Variants in FANCC observed in about 807,000 individuals in gnomAD.
FANCC encodes Fanconi anemia group C protein.
A neutral mutation model predicts 71.3 loss-of-function variants in FANCC; 55 were observed. The ratio of observed to expected loss-of-function variants is 0.77; its 90% CI spans 0.62 to 0.97. The LOEUF (loss-of-function observed/expected upper bound fraction) is 0.97, where lower values mean the gene tolerates loss of function less well. Among genes scored for constraint, FANCC ranks in the 50% least tolerant of loss-of-function variants. The pLI, the probability that FANCC is intolerant of heterozygous loss-of-function variation, is 0.00. For synonymous variants in FANCC, 275 were observed against 244.9 expected (o/e 1.12, Z -1.15); for missense variants, 678 against 670.9 (o/e 1.01, Z -0.12).
intron 3 of FANCC, 85 bp from the exon 4 acceptor site, chr9:95,240,828 T>C: frequency 1.3e-6 from 1 of 797,032 alleles, no homozygotes; most frequent in Admixed American, 2.0e-5. Flanking sequence ...TTTAGGAAAA[T>C]CTCAAACTAC....
At chr9:95,146,850 G>GA (rs1388795132) in intron 7 of FANCC, among the ~76,000 whole-genome samples, 2 of 151,938 alleles carry the variant, frequency 1.3e-5, no homozygotes, top group South Asian at 2.1e-4. Flanking sequence ...TGCGTTAAAA[G>GA]AAAAAATCAT....
At chr9:95,242,609 A>G (rs531208684) in intron 3 of FANCC, among the ~76,000 whole-genome samples, 169 of 152,160 alleles carry the variant, frequency 1.1e-3, no homozygotes, top group Non-Finnish European at 2.2e-3. Context: ...TTCAAAAGGT[A>G]TATTATTTTT....
chr9:95,176,985 G>T (rs528181387), intron 4 of FANCC, among the ~76,000 whole-genome samples: 2 of 152,336 alleles, frequency 1.3e-5, no homozygotes, highest in South Asian at 2.1e-4. Context: ...CAGAGGGTGA[G>T]ATGAGAGATT....
chr9:95,207,693 A>C (rs1588282260), intron 4 of FANCC, among the ~76,000 whole-genome samples: 1 of 152,222 alleles, frequency 6.6e-6, no homozygotes, highest in East Asian at 1.9e-4. Flanking sequence ...ACAGTGTTAC[A>C]ACCTCTCCAC....
At chr9:95,122,311 G>C (rs943384437) in intron 10 of FANCC, among the ~76,000 whole-genome samples, 1 of 152,132 alleles carries the variant, frequency 6.6e-6, no homozygotes, top group Non-Finnish European at 1.5e-5. Flanking sequence ...AGAGGGTCAC[G>C]CATCTACCAA....
rs1554842592 is a variant in FANCC at position 95,171,089 on chromosome 9, T to C, written c.511A>G (p.Thr171Ala). 6.2e-7 allele frequency: 1 copy of C among 1,612,680 alleles called. No individual in the cohort carries two copies. Among genetic ancestry groups the C allele is most frequent in the Non-Finnish European group, 8.5e-7 (1 of 1,178,828 alleles). The stretch of plus-strand genomic sequence containing the variant: ...TAGTTTAACACCTACCGCCTTTGAG[T>C]GTTAAATCCATTAAGATGATTCTCT... ...LRENHLNGFNTQRRMAPERVA... is the reference protein window; with the variant it reads ...LRENHLNGFNAQRRMAPERVA... Residue 171 changes from threonine to alanine, a missense_variant, in exon 6 of 15, where the codon ACT becomes GCT. Thr to Ala is a moderately conservative substitution (Grantham distance 58). Transcript: ENST00000289081.
At chr9:95,307,640 C>A (rs564630396) in intron 1 of FANCC, among the ~76,000 whole-genome samples, 18 of 152,288 alleles carry the variant, frequency 1.2e-4, no homozygotes, top group Admixed American at 5.2e-4. Context: ...TCAAAGTCCA[C>A]AACAGATAAG....
intron 7 of FANCC, chr9:95,145,535 C>G (rs1234864977): frequency 6.6e-6 from 1 of 152,118 alleles, no homozygotes; most frequent in African/African-American, 2.4e-5. Context: ...AAATTGGTTT[C>G]AAAGTTTATG....
intron 1 of FANCC, chr9:95,292,814 T>C (rs1180228160): frequency 2.5e-6 from 4 of 1,577,322 alleles, no homozygotes; most frequent in East Asian, 4.5e-5. Context: ...TGAAAATCCA[T>C]GCTGAGAAGA....
intron 6 of FANCC, among the ~76,000 whole-genome samples, chr9:95,170,370 T>C (rs1825585143): frequency 2.8e-5 from 4 of 145,034 alleles, no homozygotes; most frequent in Non-Finnish European, 4.5e-5. Flanking sequence ...CAATTTCTGA[T>C]AGAGCTTGAA....
intron 1 of FANCC, among the ~76,000 whole-genome samples, chr9:95,288,586 TG>T (rs1223696103): frequency 1.3e-5 from 2 of 152,206 alleles, no homozygotes; most frequent in African/African-American, 4.8e-5. Context: ...TCCCAGCACT[TG>T]GCTCATGCAT....
chr9:95,222,146 G>C (rs1261127988), intron 4 of FANCC, among the ~76,000 whole-genome samples: 1 of 118,602 alleles, frequency 8.4e-6, no homozygotes, highest in Non-Finnish European at 1.6e-5. Flanking sequence ...CTGAGCAGCA[G>C]AGCAAGGCCC....
chr9:95,117,855 G>A (rs1346794517), intron 10 of FANCC, among the ~76,000 whole-genome samples: 1 of 150,748 alleles, frequency 6.6e-6, no homozygotes, highest in African/African-American at 2.4e-5. Context: ...CCAAGTATCT[G>A]GGATTACAGG....
At chr9:95,262,731 G>A (rs1832129677) in intron 1 of FANCC, among the ~76,000 whole-genome samples, 1 of 152,164 alleles carries the variant, frequency 6.6e-6, no homozygotes, top group African/African-American at 2.4e-5. Flanking sequence ...CATCAGTGGA[G>A]AAAAGGATAC....
chr9:95,150,155 C>A, intron 6 of FANCC, 68 bp from the exon 7 acceptor site: 1 of 1,565,640 alleles, frequency 6.4e-7, no homozygotes, highest in Non-Finnish European at 8.8e-7. Flanking sequence ...ATATAAAAAC[C>A]TTCATGCTAA....
At chr9:95,211,735 A>G (rs891589737) in intron 4 of FANCC, among the ~76,000 whole-genome samples, 1 of 152,184 alleles carries the variant, frequency 6.6e-6, no homozygotes, top group African/African-American at 2.4e-5. Context: ...CATAACCAAA[A>G]AGAAAAGCAG....
chr9:95,140,088 C>A (rs1271200874), intron 7 of FANCC, among the ~76,000 whole-genome samples: 1 of 151,902 alleles, frequency 6.6e-6, no homozygotes, highest in Non-Finnish European at 1.5e-5. Context: ...CAAATCCCTA[C>A]CTAATAATTG....
chr9:95,116,210 CCT>C (rs36067586), intron 11 of FANCC, among the ~76,000 whole-genome samples: 52 of 152,340 alleles, frequency 3.4e-4, no homozygotes, highest in East Asian at 9.6e-4. Context: ...CTCAGCGTCC[CCT>C]GTTGGCTGAC....
chr9:95,128,960 A>G (rs868062693), intron 8 of FANCC, among the ~76,000 whole-genome samples: 29 of 150,412 alleles, frequency 1.9e-4, no homozygotes, highest in Non-Finnish European at 4.0e-4. Flanking sequence ...GCTGGAGTGC[A>G]GTGGTGATCT....
Sources: allele counts gnomAD v4.1 joint callset (sites outside exome capture counted in the v4.1 genomes callset), GRCh38; gene constraint gnomAD v4.1.1; transcripts MANE v1.5; gene names NCBI Gene and HGNC (gene_info 2026-07-23, HGNC 2026-07-21).